ZNF721: variants seen among roughly 807,000 people sequenced by gnomAD.
ZNF721 encodes the protein zinc finger protein 721.
ZNF721 carries 2 observed loss-of-function variants against 2.4 expected under a neutral mutation model. The observed-to-expected ratio is 0.82, with a 90% CI of 0.34 to 2.58. The LOEUF (loss-of-function observed/expected upper bound fraction) is 2.58. ZNF721 is among the 30% of genes most tolerant of loss of function. The probability of loss-of-function intolerance (pLI) is 0.11; values close to 1 mark genes in which losing one functional copy is unlikely to be tolerated. For synonymous variants in ZNF721, 398 were observed against 381.8 expected (o/e 1.04, Z -0.50); for missense variants, 1,187 against 1,085.5 (o/e 1.09, Z -1.31).
Position 443,439 on chromosome 4 carries a change from C to CTA in ZNF721, c.1026_1027dup (p.Arg343IlefsTer35), listed in dbSNP as rs1553863650. ...ATGTACGTAAAGGTTTGCGGACTGTCTAAAGGTTTTGCCACATTCTCCACA... is the reference window on the plus strand; with the variant it reads ...ATGTACGTAAAGGTTTGCGGACTGTCTATAAAGGTTTTGCCACATTCTCCACA... On this transcript the variant is annotated frameshift_variant, in exon 3 of 3. Transcript: ENST00000511833. LOFTEE classifies it low-confidence loss of function (END_TRUNC). 1 of 1,611,954 alleles carries CTA rather than the reference C, an allele frequency of 6.2e-7. No individual in the cohort carries two copies.
At position 442,165 on chromosome 4, in the gene ZNF721, G is replaced by A. The variant is rs1553863265; in HGVS notation, c.2302C>T (p.Leu768=). The A allele has an allele frequency of 6.2e-7, 1 of 1,612,822 alleles. No individual in the cohort carries two copies. Among genetic ancestry groups the A allele is most frequent in the African/African-American group, 1.3e-5 (1 of 74,906 alleles). The change falls in exon 3 of 3, where the codon CTG becomes TTG. Residue 768 remains leucine (L), a synonymous_variant. Coordinates refer to ENST00000511833, the MANE Select transcript of ZNF721 (RefSeq NM_133474.4). ...GTATGAATTTTCTCATGTCTATTCA[G>A]GTGTGAGGACTGTTTAAACACTTTC... The part of the protein sequence containing the change: ...CGKVFKQSSH[L]NRHEKIHTGK...
Position 441,705 on chromosome 4 carries a change from A to G in ZNF721, c.2762T>C (p.Ile921Thr). ...GCTTTGCCACATTCTTTACACTTGT[A>G]TGGTTTTATCTCCAGTATGAATTTT... Reference protein sequence around the residue: ...HKKIHTGDKTIQV With the variant: ...HKKIHTGDKTTQV Residue 921 changes from isoleucine to threonine, a missense_variant, in exon 3 of 3, where the codon ATA becomes ACA. Ile to Thr is a moderately conservative substitution (Grantham distance 89). Transcript: ENST00000511833. 1 of 1,606,784 alleles carries G rather than the reference A, an allele frequency of 6.2e-7. No individual in the cohort carries two copies. Among genetic ancestry groups the G allele is most frequent in the South Asian group, 1.1e-5 (1 of 90,416 alleles).
intron 2 of ZNF721, among the ~76,000 whole-genome samples, chr4:446,578 AT>A (rs1714480769): frequency 6.6e-6 from 1 of 152,036 alleles, no homozygotes; most frequent in South Asian, 2.1e-4. Flanking sequence ...ACAGGGTTTC[AT>A]CATACTGGCC....
At chr4:474,103 CA>C (rs1449294472) in intron 1 of ZNF721, 1 of 1,287,314 alleles carries the variant, frequency 7.8e-7, no homozygotes, top group Non-Finnish European at 1.0e-6. Context: ...GGTGTGGAAG[CA>C]GGGAAGTGAG....
chr4:460,527 C>T (rs1560233134), intron 2 of ZNF721, among the ~76,000 whole-genome samples: 1 of 151,030 alleles, frequency 6.6e-6, no homozygotes. Flanking sequence ...ATTAAAAGAA[C>T]TAGAGAAGCA....
intron 1 of ZNF721, among the ~76,000 whole-genome samples, chr4:488,344 T>C (rs1553870945): frequency 1.3e-5 from 2 of 152,112 alleles, no homozygotes; most frequent in East Asian, 3.9e-4. Context: ...ACTCACGCAG[T>C]GCCCCACACC....
intron 1 of ZNF721, chr4:473,949 C>G: frequency 6.6e-7 from 1 of 1,504,726 alleles, no homozygotes; most frequent in Non-Finnish European, 9.0e-7. Context: ...GAGGCCTCCC[C>G]AGCCTTGGGA....
chr4:482,642 G>A (rs561993080), intron 1 of ZNF721, among the ~76,000 whole-genome samples: 3 of 151,402 alleles, frequency 2.0e-5, no homozygotes, highest in South Asian at 2.1e-4. Flanking sequence ...GACTACAAGC[G>A]CCCGCCACCA....
intron 1 of ZNF721, among the ~76,000 whole-genome samples, chr4:474,351 ATC>A (rs1462942127): frequency 6.6e-6 from 1 of 152,120 alleles, no homozygotes; most frequent in African/African-American, 2.4e-5. Context: ...GCGGCGCTTA[ATC>A]TCTGTGCTAG....
At chr4:476,637 A>G (rs1715628692) in intron 1 of ZNF721, among the ~76,000 whole-genome samples, 1 of 152,226 alleles carries the variant, frequency 6.6e-6, no homozygotes, top group African/African-American at 2.4e-5. Flanking sequence ...TGAGCTTGGC[A>G]CCACAAGTGC....
At chr4:490,741 A>G (rs1287902611) in intron 1 of ZNF721, among the ~76,000 whole-genome samples, 1 of 152,178 alleles carries the variant, frequency 6.6e-6, no homozygotes, top group Non-Finnish European at 1.5e-5. Flanking sequence ...GCACGTGTGC[A>G]TGCGTGCACA....
Position 499,144 on chromosome 4 carries a change from G to C in ZNF721, c.-182C>G, listed in dbSNP as rs879957773. 4.4e-5 allele frequency: 27 copies of C among 608,582 alleles called. No individual in the cohort carries two copies. Among genetic ancestry groups the C allele is most frequent in the Non-Finnish European group, 7.2e-5 (26 of 362,064 alleles). The allele number at this position is 608,582 out of a possible 1,614,324, so 37.7% of individuals were successfully genotyped here. A position where few individuals can be genotyped will look rare whatever the true frequency, so the allele number is the denominator to read the frequency against. On this transcript the variant is annotated 5_prime_UTR_variant, in exon 1 of 3. Transcript: ENST00000511833. The stretch of plus-strand genomic sequence containing the variant: ...CGCCCGCTGTTCGTATGTCCGAGGT[G>C]ACGCCCCGCTGTGGCGGGCTGGCGG...
rs1371578032 is a variant in ZNF721, at chr4:441,289, T to C, written c.*406A>G. ...GTAGACAATAGCTTTTGTATATTTT[T>C]ATGTTTGTACAAGTAGTCTCACATA... On this transcript the variant is annotated 3_prime_UTR_variant, in exon 3 of 3. Transcript: ENST00000511833. 6.3e-6 allele frequency: 1 copy of C among 159,538 alleles called. No individual in the cohort carries two copies. Among genetic ancestry groups the C allele is most frequent in the African/African-American group, 2.4e-5 (1 of 41,608 alleles). The allele number at this position is 159,538 out of a possible 1,614,324, so 9.9% of individuals were successfully genotyped here.
intron 1 of ZNF721, among the ~76,000 whole-genome samples, chr4:496,580 G>A (rs556557441): frequency 7.2e-5 from 11 of 152,116 alleles, no homozygotes; most frequent in African/African-American, 2.4e-4. Flanking sequence ...ATGAGCTAGA[G>A]GGTTTGGAGT....
chr4:472,468 TGTGA>T, intron 2 of ZNF721, 103 bp downstream of exon 2: 2 of 1,244,954 alleles, frequency 1.6e-6, no homozygotes, highest in Non-Finnish European at 2.2e-6. Context: ...TAGCTGTGTG[TGTGA>T]GACACACATT....
At chr4:489,362 T>G (rs544512518) in intron 1 of ZNF721, among the ~76,000 whole-genome samples, 1 of 152,360 alleles carries the variant, frequency 6.6e-6, no homozygotes, top group Admixed American at 6.5e-5. Flanking sequence ...CTCTTACTGC[T>G]GAGAGGTTTC....
chr4:479,407 CCTT>C (rs1715717538), intron 1 of ZNF721, among the ~76,000 whole-genome samples: 1 of 152,198 alleles, frequency 6.6e-6, no homozygotes, highest in Non-Finnish European at 1.5e-5. Flanking sequence ...AACACCTCCT[CCTT>C]ATTCTCATGG....
chr4:494,490 G>A (rs1366676087), intron 1 of ZNF721, among the ~76,000 whole-genome samples: 3 of 151,968 alleles, frequency 2.0e-5, no homozygotes, highest in Admixed American at 2.0e-4. Flanking sequence ...CTGGCTGGAA[G>A]TACATCTTAT....
chr4:490,747 G>A (rs1560245467), intron 1 of ZNF721, among the ~76,000 whole-genome samples: 1 of 152,130 alleles, frequency 6.6e-6, no homozygotes, highest in Non-Finnish European at 1.5e-5. Context: ...GTGCATGCGT[G>A]CACAGTTTAT....
Sources: gnomAD v4.1 joint callset for allele counts (sites outside exome capture counted in the v4.1 genomes callset) on GRCh38, gnomAD v4.1.1 for gene constraint, MANE v1.5 for transcripts, NCBI Gene and HGNC (gene_info 2026-07-23, HGNC 2026-07-21) for gene names.